LOC131768270: variants seen among roughly 807,000 people sequenced by gnomAD.
At chr5:140,567,355 A>G in the LOC131768270 span, 1 of 1,614,140 alleles carries the variant, frequency 6.2e-7, no homozygotes, top group Non-Finnish European at 8.5e-7. Flanking sequence ...TGACCAAGCT[A>G]CTGTTATGCG....
the LOC131768270 span, chr5:140,567,488 C>A: frequency 1.2e-6 from 2 of 1,614,184 alleles, no homozygotes; most frequent in East Asian, 4.5e-5. Flanking sequence ...GATCTATCTT[C>A]AGCGTTACAT....
At chr5:140,567,255 T>C in the LOC131768270 span, 2 of 1,614,216 alleles carry the variant, frequency 1.2e-6, no homozygotes, top group South Asian at 2.2e-5. Flanking sequence ...TCCACTGCCA[T>C]GTACGGTGCC....
At chr5:140,567,328 C>CGTGCTGCT in the LOC131768270 span, 1 of 1,614,068 alleles carries the variant, frequency 6.2e-7, no homozygotes. Context: ...CCTCCTCAGC[C>CGTGCTGCT]GTGCTGCTGA....
chr5:140,567,952 A>C, the LOC131768270 span: 1 of 1,614,196 alleles, frequency 6.2e-7, no homozygotes, highest in East Asian at 2.2e-5. Flanking sequence ...TGAGCCAGGC[A>C]CTAAATGGAC....
At chr5:140,567,731 G>C in the LOC131768270 span, 1 of 1,614,134 alleles carries the variant, frequency 6.2e-7, no homozygotes, top group Non-Finnish European at 8.5e-7. Flanking sequence ...CACTCCGCTA[G>C]GCCTGCTGCT....
the LOC131768270 span, chr5:140,567,715 G>C: frequency 6.2e-7 from 1 of 1,614,126 alleles, no homozygotes; most frequent in Non-Finnish European, 8.5e-7. Flanking sequence ...CCATGCCCCT[G>C]CATATCACTC....
chr5:140,567,912 GTTTCTC>G, the LOC131768270 span: 3 of 1,614,208 alleles, frequency 1.9e-6, no homozygotes, highest in Non-Finnish European at 2.5e-6. Context: ...CTCCTGGAAG[GTTTCTC>G]AGGATGGGCA....
chr5:140,567,869 G>A, the LOC131768270 span: 1 of 1,614,200 alleles, frequency 6.2e-7, no homozygotes, highest in Non-Finnish European at 8.5e-7. Context: ...TCTGAATCTA[G>A]GTCTGCATGC....
At chr5:140,568,395 G>A in the LOC131768270 span, 1 of 590,420 alleles carries the variant, frequency 1.7e-6, no homozygotes, top group Non-Finnish European at 3.1e-6. Context: ...AGTTCTTCCA[G>A]ACTAAAGAAT....
the LOC131768270 span, chr5:140,566,944 C>A: frequency 1.4e-6 from 1 of 707,712 alleles, no homozygotes; most frequent in Admixed American, 2.1e-5. Flanking sequence ...TCCTTCTTCC[C>A]CTTCCTAGCT....
the LOC131768270 span, chr5:140,568,317 G>A: frequency 4.0e-6 from 4 of 1,005,148 alleles, no homozygotes; most frequent in Middle Eastern, 2.1e-4. Context: ...TGGATGAAGG[G>A]GTACCCCTAG....
At chr5:140,566,749 A>T in the LOC131768270 span, 1 of 593,452 alleles carries the variant, frequency 1.7e-6, no homozygotes, top group African/African-American at 1.9e-5. Context: ...TTGCTACGCA[A>T]GGGGCCCGAC....
At chr5:140,567,176 G>A in the LOC131768270 span, 2 of 1,614,242 alleles carry the variant, frequency 1.2e-6, no homozygotes, top group Non-Finnish European at 1.7e-6. Context: ...GGGTATGAGT[G>A]TAGAGGATGG....
the LOC131768270 span, chr5:140,565,656 C>T: frequency 2.8e-6 from 1 of 352,802 alleles, no homozygotes; most frequent in African/African-American, 2.1e-5. Context: ...ATGTAAGTTA[C>T]TGGTTCAGAT....
the LOC131768270 span, among the ~76,000 whole-genome samples, chr5:140,566,384 G>A: frequency 1.3e-5 from 2 of 152,166 alleles, no homozygotes; most frequent in African/African-American, 4.8e-5. Context: ...CTGAGATTGT[G>A]TGATCAGAAC....
At chr5:140,566,362 G>C in the LOC131768270 span, among the ~76,000 whole-genome samples, 7 of 152,160 alleles carry the variant, frequency 4.6e-5, no homozygotes, top group African/African-American at 1.7e-4. Context: ...GGAGCTTTCT[G>C]ACCCCAGGGT....
At chr5:140,567,365 G>A in the LOC131768270 span, 10 of 1,614,072 alleles carry the variant, frequency 6.2e-6, no homozygotes, top group East Asian at 6.7e-5. Flanking sequence ...ACTGTTATGC[G>A]CCTTCTCCCT....
At chr5:140,567,804 G>A in the LOC131768270 span, 28 of 1,613,924 alleles carry the variant, frequency 1.7e-5, no homozygotes, top group East Asian at 3.6e-4. Flanking sequence ...CTCATGAAGC[G>A]ACAGCGGCTG....
At chr5:140,566,981 C>A in the LOC131768270 span, 1 of 880,036 alleles carries the variant, frequency 1.1e-6, no homozygotes, top group East Asian at 2.6e-5. Context: ...AAGACTGTGG[C>A]TTCAAGGACC....
Sources: allele counts gnomAD v4.1 joint callset (sites outside exome capture counted in the v4.1 genomes callset), GRCh38; gene constraint gnomAD v4.1.1; transcripts MANE v1.5.